MYO5A: variants seen among roughly 807,000 people sequenced by gnomAD.
MYO5A encodes the protein unconventional myosin-Va.
MYO5A carries 98 observed loss-of-function variants against 249.7 expected under a neutral mutation model. The ratio of observed to expected loss-of-function variants is 0.39; its 90% confidence interval spans 0.33 to 0.46. The LOEUF is 0.46. MYO5A is among the 20% of genes least tolerant of loss of function. The probability of loss-of-function intolerance (pLI) is 0.98; values close to 1 mark genes in which losing one functional copy is unlikely to be tolerated. For missense variants in MYO5A, 1,696 were observed against 2,308.8 expected (o/e 0.73, Z 5.44); for synonymous variants, 778 against 810.6 (o/e 0.96, Z 0.68).
At position 52,330,465 on chromosome 15, in the gene MYO5A, G is replaced by A. The variant is rs540294405; in HGVS notation, c.4443C>T (p.Ile1481=). 7 of 1,614,040 alleles carry A rather than the reference G, an allele frequency of 4.3e-6. No homozygotes were observed. Among genetic ancestry groups the A allele is most frequent in the Non-Finnish European group, 5.9e-6 (7 of 1,179,974 alleles). The part of the protein sequence containing the change: ...GQMENISPGQ[I]IDEPIRPVNI... ...TGACTGGTCGGATGGGTTCATCAAT[G>A]ATCTGTCCTGGGGATATGTTCTCCA... is the stretch of plus-strand genomic sequence containing the variant. Residue 1481 remains isoleucine (I), a synonymous_variant, in exon 35 of 42, where the codon ATC becomes ATT. Transcript: ENST00000399233.
At chr15:52,412,172 A>G (rs1257035844) in intron 5 of MYO5A, among the ~76,000 whole-genome samples, 2 of 152,226 alleles carry the variant, frequency 1.3e-5, no homozygotes, top group African/African-American at 4.8e-5. Context: ...AATATTAGTA[A>G]CTGTCCTAAG....
In MYO5A at chr15:52,389,419, A is replaced by G. The variant is rs2042112957; in HGVS notation, c.1543-56T>C. 5 of 1,537,382 alleles carry G rather than the reference A, an allele frequency of 3.3e-6. No homozygotes were observed. In the East Asian group the frequency reaches 9.0e-5, roughly 28 times the overall value. On this transcript the variant is annotated intron_variant, in intron 12 of 41. Transcript: ENST00000399233. ...ACAAGGTAAATACTGTGATTCCTCT[A>G]AAGCATCAGCTGTCAAAAGATCTTT...
In MYO5A at chr15:52,397,524, G is replaced by C. The variant is rs948362410; in HGVS notation, c.1054-58C>G. 4 of 1,579,926 alleles carry C rather than the reference G, an allele frequency of 2.5e-6. No individual in the cohort carries two copies. In the African/African-American group the frequency reaches 4.0e-5, roughly 16 times the overall value. ...CAGATAAATCAAGTAAGAATCTCTC[G>C]GAAAATGTTAACAAAGAGTTAACAA... On this transcript the variant is annotated intron_variant, in intron 9 of 41. Transcript: ENST00000399233.
intron 1 of MYO5A, among the ~76,000 whole-genome samples, chr15:52,444,621 T>C (rs11070895): frequency 2.6e-5 from 4 of 152,144 alleles, no homozygotes; most frequent in African/African-American, 2.4e-5. Flanking sequence ...CACAATCTCA[T>C]TGAATCACTT....
chr15:52,407,187 A>G, intron 8 of MYO5A, 105 bp downstream of exon 8: 1 of 802,000 alleles, frequency 1.2e-6, no homozygotes, highest in East Asian at 2.6e-5. Context: ...TAAATCTTCT[A>G]GCAATACTTG....
At chr15:52,342,461 A>C (rs1204790457) in intron 31 of MYO5A, among the ~76,000 whole-genome samples, 2 of 152,080 alleles carry the variant, frequency 1.3e-5, no homozygotes, top group Non-Finnish European at 2.9e-5. Context: ...ATAAATCTTA[A>C]TCTCTCCCCC....
intron 34 of MYO5A, among the ~76,000 whole-genome samples, chr15:52,334,303 A>G (rs2039017743): frequency 6.6e-6 from 1 of 152,250 alleles, no homozygotes; most frequent in Non-Finnish European, 1.5e-5. Flanking sequence ...GAACAAAAAA[A>G]GAATCTCACA....
At chr15:52,474,401 C>T (rs994733821) in intron 1 of MYO5A, among the ~76,000 whole-genome samples, 16 of 152,176 alleles carry the variant, frequency 1.1e-4, no homozygotes, top group Admixed American at 9.2e-4. Flanking sequence ...GCCTAATTGC[C>T]CTGGCCAGAA....
At chr15:52,505,676 G>T in intron 1 of MYO5A, 1 of 1,233,110 alleles carries the variant, frequency 8.1e-7, no homozygotes, top group Non-Finnish European at 1.2e-6. Flanking sequence ...GGCGTCAGAA[G>T]CATTCAAGCA....
intron 1 of MYO5A, among the ~76,000 whole-genome samples, chr15:52,442,750 GTTT>G (rs1221123216): frequency 3.3e-5 from 4 of 120,082 alleles, no homozygotes; most frequent in Non-Finnish European, 6.6e-5. Flanking sequence ...TGTTAAAACA[GTTT>G]TTTTCTTTTT....
rs772372893 is a variant in MYO5A at position 52,367,047 on chromosome 15, C to G, written c.3144G>C (p.Gln1048His). ...AAGCTTTACCTGTCATCTCCTTAGC[C>G]TGCTGCACGATGCGGTGATTGAGGG... ...KEALNHRIVQQAKEMTETMEK... is the reference protein window; with the variant it reads ...KEALNHRIVQHAKEMTETMEK... The change falls in exon 23 of 42, where the codon CAG becomes CAC. Residue 1048 changes from glutamine to histidine, a missense_variant. Gln to His is a conservative substitution (Grantham distance 24). Transcript: ENST00000399233. The G allele has an allele frequency of 6.2e-7, 1 of 1,613,808 alleles. No individual in the cohort carries two copies. Among genetic ancestry groups the G allele is most frequent in the Non-Finnish European group, 8.5e-7 (1 of 1,179,756 alleles).
At position 52,372,209 on chromosome 15, in the gene MYO5A, T is replaced by C; in HGVS notation, c.2732A>G (p.Glu911Gly). 1 of 1,613,622 alleles carries C rather than the reference T, an allele frequency of 6.2e-7. No individual in the cohort carries two copies. Among genetic ancestry groups the C allele is most frequent in the South Asian group, 1.1e-5 (1 of 91,060 alleles). The change falls in exon 21 of 42, where the codon GAG becomes GGG. Residue 911 changes from glutamate (E) to glycine (G), a missense_variant. Transcript: ENST00000399233. ...AKRELKKLKI[E>G]ARSVERYKKL... ...CTTATAGCGCTCCACTGAGCGAGCC[T>C]CGATTTTGAGCTTCTTTAGCTCACG...
At chr15:52,423,158 T>C (rs1338668007) in intron 4 of MYO5A, among the ~76,000 whole-genome samples, 1 of 152,164 alleles carries the variant, frequency 6.6e-6, no homozygotes, top group Non-Finnish European at 1.5e-5. Flanking sequence ...AATGATGAAT[T>C]GTACCTTCCC....
chr15:52,451,277 C>G (rs2076015566), intron 1 of MYO5A, among the ~76,000 whole-genome samples: 1 of 152,028 alleles, frequency 6.6e-6, no homozygotes, highest in African/African-American at 2.4e-5. Flanking sequence ...TCACTAAGTC[C>G]TACCTGCAAT....
chr15:52,357,536 G>C (rs2040302814), intron 25 of MYO5A, among the ~76,000 whole-genome samples: 1 of 151,814 alleles, frequency 6.6e-6, no homozygotes, highest in South Asian at 2.1e-4. Context: ...TTGATTGCTG[G>C]ACAAGAGCAA....
chr15:52,446,436 G>A (rs1368031240), intron 1 of MYO5A, among the ~76,000 whole-genome samples: 1 of 152,286 alleles, frequency 6.6e-6, no homozygotes, highest in African/African-American at 2.4e-5. Context: ...GAGGATGTAT[G>A]AGAAAGCCTG....
At chr15:52,436,674 G>A (rs769161844) in intron 1 of MYO5A, among the ~76,000 whole-genome samples, 6 of 152,190 alleles carry the variant, frequency 3.9e-5, no homozygotes, top group Non-Finnish European at 7.3e-5. Flanking sequence ...AACACAGCAG[G>A]CAGTACTTAG....
chr15:52,428,185 C>T (rs1307987671), intron 3 of MYO5A, among the ~76,000 whole-genome samples: 1 of 152,154 alleles, frequency 6.6e-6, no homozygotes, highest in African/African-American at 2.4e-5. Context: ...AAGATGGGCC[C>T]AGTCTTTTTA....
chr15:52,355,611 C>T (rs552764087), intron 25 of MYO5A, among the ~76,000 whole-genome samples: 20 of 152,230 alleles, frequency 1.3e-4, no homozygotes, highest in African/African-American at 4.8e-4. Context: ...TTGGGTATTA[C>T]AATATTCTAT....
Sources: allele counts gnomAD v4.1 joint callset (sites outside exome capture counted in the v4.1 genomes callset), GRCh38; gene constraint gnomAD v4.1.1; transcripts MANE v1.5; gene names NCBI Gene and HGNC (gene_info 2026-07-23, HGNC 2026-07-21).